The following GLTP variants were observed in gnomAD, a reference collection of about 807,000 sequenced individuals.
GLTP encodes the protein glycolipid transfer protein.
A neutral mutation model predicts 24.0 loss-of-function variants in GLTP; 22 were observed. The ratio of observed to expected loss-of-function variants is 0.92; its 90% CI spans 0.65 to 1.31. GLTP has a LOEUF of 1.31. Among genes scored for constraint, GLTP ranks in the 50% most tolerant of loss-of-function variants. GLTP has a pLI of 0.00. For missense variants in GLTP, 224 were observed against 276.6 expected (o/e 0.81, Z 1.35); for synonymous variants, 92 against 115.9 (o/e 0.79, Z 1.33).
intron 2 of GLTP, 115 bp downstream of exon 2, chr12:109,858,568 C>T (rs537683165): frequency 2.4e-4 from 187 of 775,340 alleles, no homozygotes; most frequent in African/African-American, 2.2e-3. Context: ...TTCCATGTCT[C>T]CATTCCCTTC....
At chr12:109,862,777 C>T (rs1033595081) in intron 1 of GLTP, among the ~76,000 whole-genome samples, 1 of 151,778 alleles carries the variant, frequency 6.6e-6, no homozygotes, top group African/African-American at 2.4e-5. Flanking sequence ...GTGGGCCAGG[C>T]GCAGTGGCTC....
intron 1 of GLTP, chr12:109,860,351 T>C (rs1592889904): frequency 9.3e-6 from 2 of 215,414 alleles, no homozygotes; most frequent in East Asian, 2.2e-4. Flanking sequence ...CAGCTGGCTA[T>C]ATGAAATACA....
intron 1 of GLTP, among the ~76,000 whole-genome samples, chr12:109,875,131 A>G (rs1868842551): frequency 6.6e-6 from 1 of 152,188 alleles, no homozygotes; most frequent in South Asian, 2.1e-4. Flanking sequence ...CAGAAGAATG[A>G]GAATGGAATG....
At chr12:109,865,183 C>G (rs1868485161) in intron 1 of GLTP, among the ~76,000 whole-genome samples, 1 of 152,184 alleles carries the variant, frequency 6.6e-6, no homozygotes, top group South Asian at 2.1e-4. Flanking sequence ...TTGTTGTCAG[C>G]AAACAGCCTC....
In GLTP at chr12:109,858,334, GA is replaced by G. The variant is rs1592889193; in HGVS notation, c.162+348del. The G allele has an allele frequency of 7.1e-6, 3 of 425,282 alleles. No individual in the cohort carries two copies. In the East Asian group the frequency reaches 2.0e-4, roughly 28 times the overall value. The allele number at this position is 425,282 out of a possible 1,614,324, so 26.3% of individuals were successfully genotyped here. A position where few individuals can be genotyped will look rare whatever the true frequency, so the allele number is the denominator to read the frequency against. The stretch of plus-strand genomic sequence containing the variant: ...TCTATGGCTGGGGAGGCGGCATCAG[GA>G]ACTACCAGGATTGGAGAAGGGGAAG... On this transcript the variant is annotated intron_variant, in intron 2 of 4. Transcript: ENST00000318348.
chr12:109,868,713 G>GT (rs547945928), intron 1 of GLTP, among the ~76,000 whole-genome samples: 5 of 152,100 alleles, frequency 3.3e-5, no homozygotes, highest in African/African-American at 4.8e-5. Context: ...AAATTCAATG[G>GT]TTTTTTTCAT....
chr12:109,863,530 G>A (rs1393274963), intron 1 of GLTP, among the ~76,000 whole-genome samples: 2 of 152,184 alleles, frequency 1.3e-5, no homozygotes, highest in African/African-American at 4.8e-5. Flanking sequence ...GGGAAACGTG[G>A]AATCTGTCAG....
rs1592888130 is a variant in GLTP, at chr12:109,855,371, G to A, written c.447+248C>T. On this transcript the variant is annotated intron_variant, in intron 4 of 4. Transcript: ENST00000318348. This position sits in a 1 kb window ranked among gnomAD's most constrained non-coding sequence, Gnocchi z 4.1. ...CCACCATCAGGCCTTGCAGGCCAAG[G>A]CCCCTAAAGAGAAACACCGTGGAGT... Among the ~76,000 whole-genome samples the A allele has an allele frequency of 2.6e-5, 4 of 152,196 alleles. No individual in the cohort carries two copies. In the East Asian group the frequency reaches 7.7e-4, roughly 29 times the overall value.
chr12:109,864,808 G>A (rs1335790449), intron 1 of GLTP, among the ~76,000 whole-genome samples: 1 of 152,062 alleles, frequency 6.6e-6, no homozygotes, highest in East Asian at 1.9e-4. Context: ...CCAAGCATGT[G>A]GTGGCTTTTC....
chr12:109,867,742 G>A (rs1868574231), intron 1 of GLTP, among the ~76,000 whole-genome samples: 1 of 151,808 alleles, frequency 6.6e-6, no homozygotes, highest in South Asian at 2.1e-4. Flanking sequence ...GGGGTATAGT[G>A]GCACAATCAC....
At chr12:109,858,408 G>A (rs1237288114) in intron 2 of GLTP, among the ~76,000 whole-genome samples, 1 of 152,192 alleles carries the variant, frequency 6.6e-6, no homozygotes, top group Non-Finnish European at 1.5e-5. Flanking sequence ...TACTTGGTGG[G>A]GATAGATGAA....
At position 109,857,011 on chromosome 12, in the gene GLTP, G is replaced by C. The variant is rs1402145831; in HGVS notation, c.296+515C>G. ...ATTGTGCCACTGCACTCCAGCCTGGGTAACAGAACGGGATTCTAAAAATAA... is the reference window on the plus strand; with the variant it reads ...ATTGTGCCACTGCACTCCAGCCTGGCTAACAGAACGGGATTCTAAAAATAA... On this transcript the variant is annotated intron_variant, in intron 3 of 4. Coordinates refer to ENST00000318348, the MANE Select transcript of GLTP (RefSeq NM_016433.4). The surrounding 1 kb of genome is among the most constrained non-coding windows in gnomAD (Gnocchi z 4.3). 6.6e-6 allele frequency among the ~76,000 whole-genome samples: 1 copy of C among 152,200 alleles called. No individual in the cohort carries two copies. The highest frequency in any genetic ancestry group is 6.5e-5 in the Admixed American group (1 of 15,276).
intron 1 of GLTP, among the ~76,000 whole-genome samples, chr12:109,867,965 G>A (rs2136047232): frequency 6.6e-6 from 1 of 152,236 alleles, no homozygotes; most frequent in East Asian, 1.9e-4. Context: ...TTTTAGTAGA[G>A]ACAGGGTTTC....
At position 109,873,332 on chromosome 12, in the gene GLTP, T is replaced by A. The variant is rs1474678294; in HGVS notation, c.103+6940A>T. 5.3e-5 allele frequency among the ~76,000 whole-genome samples: 8 copies of A among 151,918 alleles called. 1 individual carries two copies. ...TTCCCAGTTAGCCTGATGTCCCAGA[T>A]GAAGGAAAAGCCAGAGCTGAGGCTG... On this transcript the variant is annotated intron_variant, in intron 1 of 4. Coordinates refer to ENST00000318348, the MANE Select transcript of GLTP (RefSeq NM_016433.4).
At chr12:109,859,543 G>C (rs1009341941) in intron 1 of GLTP, among the ~76,000 whole-genome samples, 6 of 151,526 alleles carry the variant, frequency 4.0e-5, no homozygotes, top group Middle Eastern at 3.4e-3. Flanking sequence ...TTTTTGCACA[G>C]ATCTTGATGA....
intron 1 of GLTP, among the ~76,000 whole-genome samples, chr12:109,870,637 G>A (rs574060347): frequency 6.6e-6 from 1 of 152,128 alleles, no homozygotes. Flanking sequence ...AGCAGAAGGA[G>A]AGGAAGGAAG....
At chr12:109,877,290 A>G (rs1209442716) in intron 1 of GLTP, among the ~76,000 whole-genome samples, 1 of 152,256 alleles carries the variant, frequency 6.6e-6, no homozygotes, top group Non-Finnish European at 1.5e-5. Context: ...TACATAGAGT[A>G]CTTAGCACAT....
intron 1 of GLTP, among the ~76,000 whole-genome samples, chr12:109,868,886 C>A (rs146706007): frequency 1.4e-3 from 209 of 152,144 alleles, no homozygotes; most frequent in African/African-American, 4.5e-3. Context: ...TACTATAAGG[C>A]CTATTTTTAA....
chr12:109,862,715 A>G (rs1436681732), intron 1 of GLTP, among the ~76,000 whole-genome samples: 1 of 151,950 alleles, frequency 6.6e-6, no homozygotes, highest in Non-Finnish European at 1.5e-5. Context: ...GTGTCACTGC[A>G]CTCCAGCCTG....
Sources: gnomAD v4.1 joint callset for allele counts (sites outside exome capture counted in the v4.1 genomes callset) on GRCh38, gnomAD v4.1.1 for gene constraint, Gnocchi (gnomAD v3.1) non-coding constraint, MANE v1.5 for transcripts, NCBI Gene and HGNC (gene_info 2026-07-23, HGNC 2026-07-21) for gene names.